Variants in RALGAPA2 observed in about 807,000 individuals in gnomAD.
RALGAPA2 encodes ral GTPase-activating protein subunit alpha-2.
RALGAPA2 carries 139 observed loss-of-function variants against 230.4 expected under a neutral mutation model. That is an observed-to-expected ratio of 0.60 (90% CI 0.53 to 0.69). The LOEUF (loss-of-function observed/expected upper bound fraction) is 0.69, where lower values mean the gene tolerates loss of function less well. Among genes scored for constraint, RALGAPA2 ranks in the 30% least tolerant of loss-of-function variants. The pLI is 0.00. For synonymous variants in RALGAPA2, 847 were observed against 837.8 expected, an observed-to-expected ratio of 1.01 and a Z score of -0.19; for missense variants, 2,163 against 2,276.0, an observed-to-expected ratio of 0.95 and a Z score of 1.01.
chr20:20,567,015 A>G (rs1442682223), intron 23 of RALGAPA2, among the ~76,000 whole-genome samples: 2 of 152,262 alleles, frequency 1.3e-5, no homozygotes, highest in Non-Finnish European at 2.9e-5. Flanking sequence ...ATTTGCAACA[A>G]TAATTTTACA....
chr20:20,617,845 G>A (rs1475607249), intron 12 of RALGAPA2, among the ~76,000 whole-genome samples: 1 of 152,056 alleles, frequency 6.6e-6, no homozygotes, highest in African/African-American at 2.4e-5. Context: ...AAAGGACTAA[G>A]GTATTAGATA....
At chr20:20,475,516 A>G (rs2061630883) in intron 36 of RALGAPA2, among the ~76,000 whole-genome samples, 1 of 152,202 alleles carries the variant, frequency 6.6e-6, no homozygotes, top group African/African-American at 2.4e-5. Context: ...AGCATTAAAT[A>G]AAATTTAACT....
At chr20:20,701,352 C>A (rs1286992564) in intron 1 of RALGAPA2, among the ~76,000 whole-genome samples, 1 of 152,078 alleles carries the variant, frequency 6.6e-6, no homozygotes, top group Non-Finnish European at 1.5e-5. Flanking sequence ...GAGTAAGTTA[C>A]CAACAGAAAT....
At chr20:20,449,349 G>A (rs981452690) in intron 37 of RALGAPA2, among the ~76,000 whole-genome samples, 1 of 152,152 alleles carries the variant, frequency 6.6e-6, no homozygotes, top group African/African-American at 2.4e-5. Context: ...TCTACAAAGA[G>A]TTAAACATGA....
At chr20:20,443,757 T>C (rs2060796219) in intron 37 of RALGAPA2, among the ~76,000 whole-genome samples, 1 of 152,242 alleles carries the variant, frequency 6.6e-6, no homozygotes, top group Admixed American at 6.5e-5. Flanking sequence ...ATGAACACAG[T>C]GGTGCCCACA....
At chr20:20,549,919 T>A (rs933800327) in intron 23 of RALGAPA2, among the ~76,000 whole-genome samples, 15 of 152,220 alleles carry the variant, frequency 9.9e-5, no homozygotes, top group African/African-American at 3.6e-4. Flanking sequence ...GCAATCCTCA[T>A]GCCTTTTGCC....
chr20:20,505,202 A>G, intron 34 of RALGAPA2: 1 of 979,512 alleles, frequency 1.0e-6, no homozygotes, highest in Non-Finnish European at 1.2e-6. Flanking sequence ...AAAAATATTA[A>G]GAGGAAAGTT....
At chr20:20,591,475 C>A (rs751042056) in intron 16 of RALGAPA2, among the ~76,000 whole-genome samples, 161 bp from the exon 17 acceptor site, 12 of 152,194 alleles carry the variant, frequency 7.9e-5, no homozygotes, top group Non-Finnish European at 1.5e-4. Context: ...CCTACACTTG[C>A]TAACCCCTAA....
intron 30 of RALGAPA2, among the ~76,000 whole-genome samples, chr20:20,522,295 A>G (rs977653685): frequency 6.6e-6 from 1 of 152,192 alleles, no homozygotes; most frequent in African/African-American, 2.4e-5. Flanking sequence ...TATTGGTCCA[A>G]AACTCTAAAC....
intron 1 of RALGAPA2, among the ~76,000 whole-genome samples, chr20:20,710,267 T>C (rs2069797420): frequency 6.6e-6 from 1 of 152,152 alleles, no homozygotes; most frequent in East Asian, 1.9e-4. Context: ...TTCCTTCAAA[T>C]AGTTTCCTTA....
At chr20:20,541,838 T>G (rs1199255020) in intron 24 of RALGAPA2, among the ~76,000 whole-genome samples, 1 of 152,218 alleles carries the variant, frequency 6.6e-6, no homozygotes, top group Non-Finnish European at 1.5e-5. Context: ...ATGTGTGATA[T>G]TATCTCTAGG....
chr20:20,687,597 C>T (rs1043955211), intron 1 of RALGAPA2, among the ~76,000 whole-genome samples: 3 of 152,114 alleles, frequency 2.0e-5, no homozygotes, highest in Non-Finnish European at 4.4e-5. Context: ...CCCAGGCAAC[C>T]GTCAGTGAGA....
At chr20:20,393,476 A>C (rs531558165) in intron 39 of RALGAPA2, among the ~76,000 whole-genome samples, 4 of 152,372 alleles carry the variant, frequency 2.6e-5, no homozygotes, top group South Asian at 2.1e-4. Flanking sequence ...AGCATAAAAG[A>C]AGCTATGAAT....
intron 3 of RALGAPA2, among the ~76,000 whole-genome samples, chr20:20,661,106 T>C (rs1036384715): frequency 6.6e-6 from 1 of 152,098 alleles, no homozygotes; most frequent in Non-Finnish European, 1.5e-5. Flanking sequence ...TGAGAAGAAG[T>C]ACAAAAGACA....
chr20:20,495,420 G>C, intron 35 of RALGAPA2, 145 bp from the exon 36 acceptor site: 1 of 620,702 alleles, frequency 1.6e-6, no homozygotes, highest in Non-Finnish European at 2.5e-6. Context: ...TCTTCTGTGA[G>C]GATTTTAAAA....
At chr20:20,409,688 T>C (rs1007918724) in intron 38 of RALGAPA2, among the ~76,000 whole-genome samples, 1 of 152,222 alleles carries the variant, frequency 6.6e-6, no homozygotes, top group Admixed American at 6.5e-5. Context: ...GTAGAAGTAG[T>C]AACAGATAGT....
intron 21 of RALGAPA2, among the ~76,000 whole-genome samples, chr20:20,572,392 A>T (rs2064673458): frequency 1.3e-5 from 2 of 151,842 alleles, no homozygotes; most frequent in African/African-American, 4.8e-5. Flanking sequence ...GCAGTGAGCC[A>T]AGATGGCGCC....
intron 4 of RALGAPA2, among the ~76,000 whole-genome samples, chr20:20,645,105 G>GTT (rs1491054470): frequency 9.3e-6 from 1 of 107,870 alleles, no homozygotes; most frequent in African/African-American, 3.2e-5. Flanking sequence ...TGGTGGTGGT[G>GTT]CTTTTTTTTT....
chr20:20,452,997 A>T (rs965896655), intron 37 of RALGAPA2, among the ~76,000 whole-genome samples: 1 of 152,196 alleles, frequency 6.6e-6, no homozygotes, highest in Non-Finnish European at 1.5e-5. Context: ...GTGTGGCCTC[A>T]GGCAAGTTAT....
Sources: allele counts gnomAD v4.1 joint callset (sites outside exome capture counted in the v4.1 genomes callset), GRCh38; gene constraint gnomAD v4.1.1; transcripts MANE v1.5; gene names NCBI Gene and HGNC (gene_info 2026-07-23, HGNC 2026-07-21).